Variants in DNAH5 observed in about 807,000 individuals in gnomAD.
DNAH5 encodes the protein dynein axonemal heavy chain 5.
A neutral mutation model predicts 518.2 loss-of-function variants in DNAH5; 372 were observed. That is an observed-to-expected ratio of 0.72 (90% CI 0.66 to 0.78). The LOEUF (loss-of-function observed/expected upper bound fraction) is 0.78. DNAH5 is among the 30% of genes least tolerant of loss of function. DNAH5 has a pLI of 0.00. For missense variants in DNAH5, 5,523 were observed against 5,687.0 expected (o/e 0.97, Z 0.93); for synonymous variants, 2,039 against 2,025.9 (o/e 1.01, Z -0.17).
intron 1 of DNAH5, among the ~76,000 whole-genome samples, chr5:13,996,322 C>T (rs1353212756): frequency 2.6e-5 from 4 of 152,188 alleles, no homozygotes; most frequent in African/African-American, 7.2e-5. Context: ...CCCCCGACCC[C>T]GAATTCATGT....
chr5:13,771,002 G>A lies in DNAH5; in HGVS notation c.9374-22C>T, dbSNP rs886038482. 1 of 1,554,888 alleles carries A rather than the reference G, an allele frequency of 6.4e-7. No individual in the cohort carries two copies. Among genetic ancestry groups the A allele is most frequent in the Admixed American group, 1.7e-5 (1 of 59,650 alleles). ...GACACTAGAGAGAATAAAGATGACAGTGTGTGAAATATGTATGTAAGTTAC... is the reference window on the plus strand; with the variant it reads ...GACACTAGAGAGAATAAAGATGACAATGTGTGAAATATGTATGTAAGTTAC... On this transcript the variant is annotated intron_variant, in intron 55 of 78. Transcript: ENST00000265104.
intron 15 of DNAH5, among the ~76,000 whole-genome samples, chr5:13,895,645 C>T (rs888041615): frequency 2.0e-5 from 3 of 152,172 alleles, no homozygotes; most frequent in African/African-American, 7.2e-5. Flanking sequence ...CAGTATTGAT[C>T]TCAACTAGTG....
Position 13,792,129 on chromosome 5 carries a change from G to A in DNAH5, c.8313C>T (p.Arg2771=). The A allele has an allele frequency of 6.2e-7, 1 of 1,613,970 alleles. No homozygotes were observed. Among genetic ancestry groups the A allele is most frequent in the South Asian group, 1.1e-5 (1 of 91,054 alleles). ...DSVTKLVPLT[R]RLWQMTKIKM... ...TAATCTTGGTCATCTGCCATAGTCGGCGTGTCAGAGGCACCAATTTTGTCA... is the reference window on the plus strand; with the variant it reads ...TAATCTTGGTCATCTGCCATAGTCGACGTGTCAGAGGCACCAATTTTGTCA... Residue 2771 remains arginine, a synonymous_variant, in exon 50 of 79, where the codon CGC becomes CGT. Transcript: ENST00000265104.
intron 52 of DNAH5, among the ~76,000 whole-genome samples, chr5:13,783,813 C>T (rs908678957): frequency 3.9e-5 from 6 of 152,150 alleles, no homozygotes; most frequent in Admixed American, 1.3e-4. Context: ...AACTAGGCCA[C>T]GTATTTCAAG....
At chr5:13,984,766 T>C (rs779043713) in intron 1 of DNAH5, among the ~76,000 whole-genome samples, 59 of 152,220 alleles carry the variant, frequency 3.9e-4, no homozygotes, top group Non-Finnish European at 7.8e-4. Flanking sequence ...CGAAGGCCTT[T>C]TCTGCATCTA....
intron 1 of DNAH5, among the ~76,000 whole-genome samples, chr5:13,998,932 C>G (rs1434953898): frequency 6.6e-6 from 1 of 152,204 alleles, no homozygotes; most frequent in Non-Finnish European, 1.5e-5. Context: ...AGTGCAGTGG[C>G]TCAATCTCAG....
At chr5:13,693,443 C>T (rs968910147) in intron 78 of DNAH5, among the ~76,000 whole-genome samples, 1 of 152,176 alleles carries the variant, frequency 6.6e-6, no homozygotes, top group Non-Finnish European at 1.5e-5. Flanking sequence ...TACATATCCA[C>T]TATAAATTTA....
intron 47 of DNAH5, among the ~76,000 whole-genome samples, chr5:13,802,670 T>C (rs1196503022): frequency 1.3e-5 from 2 of 152,206 alleles, no homozygotes; most frequent in East Asian, 3.9e-4. Flanking sequence ...CATGTGCAGC[T>C]GAGGCGACGG....
At chr5:13,700,578 G>A (rs569149019) in intron 78 of DNAH5, 62 bp downstream of exon 78, 6 of 1,435,708 alleles carry the variant, frequency 4.2e-6, no homozygotes, top group South Asian at 3.4e-5. Flanking sequence ...ATGAAATCCT[G>A]TGTTGATAAT....
Position 13,811,665 on chromosome 5 carries a change from T to C in DNAH5, c.7389A>G (p.Gln2463=). 1 of 1,614,144 alleles carries C rather than the reference T, an allele frequency of 6.2e-7. No homozygotes were observed. Among genetic ancestry groups the C allele is most frequent in the Non-Finnish European group, 8.5e-7 (1 of 1,180,010 alleles). ...AATTTACCTTCAGAGGAATCAGGCC[T>C]TGAAGCATGTTAATGCTCTGTGTGA... ...FVITQSINML[Q]GLIPLKEQGG... The change falls in exon 44 of 79, where the codon CAA becomes CAG. Residue 2463 remains glutamine, a synonymous_variant. Transcript: ENST00000265104.
chr5:13,794,419 T>C (rs575229193), intron 47 of DNAH5, among the ~76,000 whole-genome samples: 1 of 152,276 alleles, frequency 6.6e-6, no homozygotes, highest in Non-Finnish European at 1.5e-5. Context: ...AGCAACAAAG[T>C]TAAACAAGGC....
At chr5:13,794,619 T>G (rs534973682) in intron 47 of DNAH5, among the ~76,000 whole-genome samples, 1 of 152,194 alleles carries the variant, frequency 6.6e-6, no homozygotes, top group Non-Finnish European at 1.5e-5. Flanking sequence ...TCTCTCATTT[T>G]TACATTCTGA....
At chr5:13,785,239 A>T (rs1325949355) in intron 52 of DNAH5, among the ~76,000 whole-genome samples, 1 of 151,642 alleles carries the variant, frequency 6.6e-6, no homozygotes, top group Non-Finnish European at 1.5e-5. Context: ...AGCATTCACA[A>T]CAGGGTTCGG....
At chr5:13,729,903 C>T (rs189270681) in intron 68 of DNAH5, among the ~76,000 whole-genome samples, 6 of 152,234 alleles carry the variant, frequency 3.9e-5, no homozygotes, top group East Asian at 3.9e-4. Flanking sequence ...ACAATGTATG[C>T]GTGTAAAGCA....
At chr5:13,713,976 A>G (rs987249987) in intron 75 of DNAH5, among the ~76,000 whole-genome samples, 4 of 152,234 alleles carry the variant, frequency 2.6e-5, no homozygotes, top group Non-Finnish European at 5.9e-5. Flanking sequence ...CTGCAGAGGT[A>G]ATGATATAAA....
At position 13,820,156 on chromosome 5, in the gene DNAH5, ATG is replaced by A. The variant is rs34847468; in HGVS notation, c.6841+188_6841+189del. On this transcript the variant is annotated intron_variant, in intron 41 of 78. Coordinates refer to ENST00000265104, the MANE Select transcript of DNAH5 (RefSeq NM_001369.3). ...GTGCAGTGCATAAAGTCACCTAAAA[ATG>A]TTTTTTTTTCTCTCTGGTTCATTAA... Among the ~76,000 whole-genome samples the A allele has an allele frequency of 5.4e-3, 819 of 152,242 alleles. 2 individuals are homozygous for A. The highest frequency in any genetic ancestry group is 0.018 in the African/African-American group (767 of 41,558).
At position 13,886,135 on chromosome 5, in the gene DNAH5, C is replaced by CAAAAAAA. The variant is rs71600031; in HGVS notation, c.2578-13_2578-7dup. On this transcript the variant is annotated splice_polypyrimidine_tract_variant and splice_region_variant and intron_variant, in intron 17 of 78. Coordinates refer to ENST00000265104, the MANE Select transcript of DNAH5 (RefSeq NM_001369.3). ...GCACCATTTACACAAAGATCCTAAC[C>CAAAAAAA]AAAAAAAAAAAAAAAAAAAGATAGC... The CAAAAAAA allele has an allele frequency of 1.6e-5, 22 of 1,341,060 alleles. No individual in the cohort carries two copies. In the East Asian group the frequency reaches 1.9e-4, roughly 12 times the overall value. The allele number at this position is 1,341,060 out of a possible 1,614,324, so 83.1% of individuals were successfully genotyped here. A position where few individuals can be genotyped will look rare whatever the true frequency, so the allele number is the denominator to read the frequency against.
intron 23 of DNAH5, 143 bp downstream of exon 23, chr5:13,871,421 A>C (rs1299058298): frequency 1.4e-6 from 1 of 738,026 alleles, no homozygotes; most frequent in East Asian, 2.7e-5. Context: ...AAATTTTTTA[A>C]AAATCCACAA....
intron 1 of DNAH5, among the ~76,000 whole-genome samples, chr5:13,941,495 T>G (rs1292244316): frequency 6.6e-6 from 1 of 152,246 alleles, no homozygotes; most frequent in Non-Finnish European, 1.5e-5. Context: ...CAAACAGGTC[T>G]GGGCCTGATT....
Sources: allele counts gnomAD v4.1 joint callset (sites outside exome capture counted in the v4.1 genomes callset), GRCh38; gene constraint gnomAD v4.1.1; transcripts MANE v1.5; gene names NCBI Gene and HGNC (gene_info 2026-07-23, HGNC 2026-07-21).